ENTPD3: variants seen among roughly 807,000 people sequenced by gnomAD.
The protein encoded by ENTPD3 is ectonucleoside triphosphate diphosphohydrolase 3, also known as CD39 antigen-like 3.
ENTPD3 carries 60 observed loss-of-function variants against 51.2 expected under a neutral mutation model. The observed-to-expected ratio is 1.17, with a 90% CI of 0.95 to 1.45. The LOEUF (loss-of-function observed/expected upper bound fraction) is 1.45, where lower values mean the gene tolerates loss of function less well. Ranked by LOEUF, ENTPD3 falls within the 40% of genes most tolerant of loss-of-function variation. The pLI, the probability that ENTPD3 is intolerant of heterozygous loss-of-function variation, is 0.00. For missense variants in ENTPD3, 593 were observed against 641.1 expected (o/e 0.93, Z 0.81); for synonymous variants, 221 against 238.4 (o/e 0.93, Z 0.67).
intron 7 of ENTPD3, 73 bp from the exon 8 acceptor site, chr3:40,422,777 T>C: frequency 7.2e-7 from 1 of 1,380,238 alleles, no homozygotes; most frequent in South Asian, 1.3e-5. Context: ...TTTGGGTTGA[T>C]TCCAAGTCTT....
intron 2 of ENTPD3, among the ~76,000 whole-genome samples, chr3:40,388,333 G>A (rs1229239914): frequency 3.9e-5 from 6 of 152,166 alleles, no homozygotes; most frequent in East Asian, 1.9e-4. Context: ...TGGTTTTTCC[G>A]GTTTGTATAA....
intron 10 of ENTPD3, among the ~76,000 whole-genome samples, chr3:40,426,082 A>AGAGATATC (rs1955976310): frequency 6.6e-6 from 1 of 150,450 alleles, no homozygotes; most frequent in African/African-American, 2.4e-5. Flanking sequence ...AAGGAAACAC[A>AGAGATATC]GAGATATCTT....
Position 40,427,317 on chromosome 3 carries a change from C to T in ENTPD3, c.1399C>T (p.Leu467=), listed in dbSNP as rs1241835436. ...IAWSLGYMLS[L]TNQIPAESPL... ...CTGGTCTCTTGGCTACATGCTCAGCCTGACCAACCAGATCCCAGCTGAAAG... is the reference window on the plus strand; with the variant it reads ...CTGGTCTCTTGGCTACATGCTCAGCTTGACCAACCAGATCCCAGCTGAAAG... The change falls in exon 11 of 11, where the codon CTG becomes TTG. Residue 467 remains leucine (L), a synonymous_variant. Coordinates refer to ENST00000301825, the MANE Select transcript of ENTPD3 (RefSeq NM_001248.4). The T allele has an allele frequency of 8.1e-6, 13 of 1,614,202 alleles. No homozygotes were observed. Among genetic ancestry groups the T allele is most frequent in the Non-Finnish European group, 1.1e-5 (13 of 1,180,046 alleles).
chr3:40,415,170 C>T (rs551747151), intron 6 of ENTPD3, among the ~76,000 whole-genome samples: 1 of 152,190 alleles, frequency 6.6e-6, no homozygotes, highest in South Asian at 2.1e-4. Context: ...TTCAGAGAGG[C>T]TCCATGACCA....
intron 3 of ENTPD3, among the ~76,000 whole-genome samples, chr3:40,400,256 C>T (rs1955316933): frequency 7.2e-6 from 1 of 139,226 alleles, no homozygotes; most frequent in Non-Finnish European, 1.5e-5. Context: ...TAAGAGTGAA[C>T]TGCATCTCAA....
intron 7 of ENTPD3, among the ~76,000 whole-genome samples, chr3:40,419,789 T>C (rs926054927): frequency 2.0e-5 from 3 of 152,232 alleles, no homozygotes; most frequent in African/African-American, 7.2e-5. Flanking sequence ...GTTTCTATCA[T>C]TGTTTTTTCC....
intron 10 of ENTPD3, among the ~76,000 whole-genome samples, chr3:40,426,038 G>C (rs1955975304): frequency 6.6e-6 from 1 of 151,248 alleles, no homozygotes; most frequent in South Asian, 2.1e-4. Flanking sequence ...AAGATACAGG[G>C]ACATAAGAGT....
At chr3:40,401,835 G>A (rs1387445477) in intron 4 of ENTPD3, among the ~76,000 whole-genome samples, 1 of 152,192 alleles carries the variant, frequency 6.6e-6, no homozygotes, top group African/African-American at 2.4e-5. Context: ...GCCAACCCCT[G>A]AAATGGAGTA....
At chr3:40,418,437 T>C (rs931862702) in intron 7 of ENTPD3, among the ~76,000 whole-genome samples, 2 of 152,194 alleles carry the variant, frequency 1.3e-5, no homozygotes, top group Admixed American at 6.5e-5. Flanking sequence ...TCATCTGTAA[T>C]ATAAGGAACT....
intron 2 of ENTPD3, among the ~76,000 whole-genome samples, chr3:40,390,708 G>A (rs540923989): frequency 1.3e-5 from 2 of 152,182 alleles, no homozygotes; most frequent in South Asian, 4.2e-4. Flanking sequence ...ACACTGATTT[G>A]CTTTCATTTT....
At chr3:40,395,501 T>G (rs1955177460) in intron 3 of ENTPD3, among the ~76,000 whole-genome samples, 1 of 152,098 alleles carries the variant, frequency 6.6e-6, no homozygotes. Flanking sequence ...GGAACTGAGA[T>G]GGGTCAGGCA....
intron 4 of ENTPD3, among the ~76,000 whole-genome samples, chr3:40,406,462 G>A (rs537153617): frequency 6.6e-4 from 100 of 152,280 alleles, no homozygotes; most frequent in African/African-American, 2.4e-3. Context: ...TTCTAACTAG[G>A]GAACTAATAC....
intron 3 of ENTPD3, among the ~76,000 whole-genome samples, chr3:40,395,770 C>T (rs980963983): frequency 6.6e-6 from 1 of 152,166 alleles, no homozygotes; most frequent in Non-Finnish European, 1.5e-5. Flanking sequence ...ACTCGGGCCA[C>T]TAGTTAAGCC....
At chr3:40,423,642 T>A (rs1266027395) in intron 9 of ENTPD3, among the ~76,000 whole-genome samples, 184 bp from the exon 10 acceptor site, 4 of 152,230 alleles carry the variant, frequency 2.6e-5, no homozygotes, top group Non-Finnish European at 5.9e-5. Context: ...AAGATTAGTA[T>A]ATTGTGATAT....
At chr3:40,399,316 G>C (rs1955287937) in intron 3 of ENTPD3, among the ~76,000 whole-genome samples, 1 of 152,086 alleles carries the variant, frequency 6.6e-6, no homozygotes, top group Non-Finnish European at 1.5e-5. Context: ...TTCTTGTTTT[G>C]TGATTTTATT....
At chr3:40,394,157 T>C (rs1305127713) in intron 3 of ENTPD3, among the ~76,000 whole-genome samples, 3 of 151,500 alleles carry the variant, frequency 2.0e-5, no homozygotes, top group Non-Finnish European at 4.4e-5. Flanking sequence ...CTCCGTCACC[T>C]AGGCTGGAAT....
intron 7 of ENTPD3, among the ~76,000 whole-genome samples, chr3:40,420,407 T>C (rs1280392241): frequency 1.3e-5 from 2 of 151,820 alleles, no homozygotes; most frequent in African/African-American, 4.8e-5. Flanking sequence ...AGCTAATTTT[T>C]TCTATTTTTT....
At position 40,388,077 on chromosome 3, in the gene ENTPD3, G is replaced by T; in HGVS notation, c.20G>T (p.Arg7Leu). 6.2e-7 allele frequency: 1 copy of T among 1,614,048 alleles called. No homozygotes were observed. Among genetic ancestry groups the T allele is most frequent in the Non-Finnish European group, 8.5e-7 (1 of 1,179,992 alleles). The change falls in exon 2 of 11, where the codon CGC becomes CTC. Residue 7 changes from arginine (R) to leucine (L), a missense_variant. Coordinates refer to ENST00000301825, the MANE Select transcript of ENTPD3 (RefSeq NM_001248.4). Reference protein sequence around the residue: MFTVLTRQPCEQAGLKA... With the variant: MFTVLTLQPCEQAGLKA... Reference sequence around the variant, plus strand: ...GAAAAGATGTTCACTGTGCTGACCCGCCAACCATGTGAGCAAGCAGGTTAG... The same window carrying T: ...GAAAAGATGTTCACTGTGCTGACCCTCCAACCATGTGAGCAAGCAGGTTAG...
chr3:40,417,212 A>G (rs1575228631), intron 7 of ENTPD3, among the ~76,000 whole-genome samples: 3 of 152,196 alleles, frequency 2.0e-5, no homozygotes, highest in Admixed American at 6.5e-5. Flanking sequence ...GACAGCCCTC[A>G]ACTACCCTTC....
Sources: allele counts gnomAD v4.1 joint callset (sites outside exome capture counted in the v4.1 genomes callset), GRCh38; gene constraint gnomAD v4.1.1; transcripts MANE v1.5; gene names NCBI Gene and HGNC (gene_info 2026-07-23, HGNC 2026-07-21).